Variants in TDO2 observed in about 807,000 individuals in gnomAD.
TDO2 encodes the protein tryptophan 2,3-dioxygenase.
TDO2 carries 63 observed loss-of-function variants against 61.2 expected under a neutral mutation model. That is an observed-to-expected ratio of 1.03 (90% CI 0.84 to 1.27). TDO2 has a LOEUF of 1.27. Ranked by LOEUF, TDO2 falls within the 50% of genes most tolerant of loss-of-function variation. TDO2 has a pLI of 0.00. For missense variants in TDO2, 494 were observed against 469.5 expected, an observed-to-expected ratio of 1.05 and a Z score of -0.48; for synonymous variants, 183 against 164.0, an observed-to-expected ratio of 1.12 and a Z score of -0.89.
chr4:155,917,625 C>A, intron 10 of TDO2, 151 bp downstream of exon 10: 2 of 580,154 alleles, frequency 3.4e-6, no homozygotes, highest in East Asian at 3.0e-5. Context: ...GCTTGGCCAT[C>A]ACTCTCTCCC....
intron 1 of TDO2, 31 bp from the exon 2 acceptor site, chr4:155,903,987 A>G (rs1560774075): frequency 2.5e-6 from 4 of 1,592,590 alleles, no homozygotes; most frequent in South Asian, 1.1e-5. Context: ...CTAAAGCACT[A>G]TTTTTCCCTC....
intron 6 of TDO2, among the ~76,000 whole-genome samples, chr4:155,911,016 C>T (rs192843944): frequency 3.9e-4 from 59 of 152,128 alleles, no homozygotes; most frequent in African/African-American, 1.3e-3. Flanking sequence ...AAAGTAATTG[C>T]ATGGATGGTT....
In TDO2 at chr4:155,910,060, T is replaced by C; in HGVS notation, c.467T>C (p.Leu156Ser). The change falls in exon 6 of 12, where the codon TTG (leucine) becomes TCG (serine). Residue 156 changes from leucine to serine, a missense_variant. Coordinates refer to ENST00000536354, the MANE Select transcript of TDO2 (RefSeq NM_005651.4). Reference protein sequence around the residue: ...YLSPASGFQSLQFRLLENKIG... With the variant: ...YLSPASGFQSSQFRLLENKIG... ...TCTCCAGCATCAGGCTTCCAGAGTT[T>C]GCAATTCCGACTATTAGAAAACAAG... 1 of 1,585,416 alleles carries C rather than the reference T, an allele frequency of 6.3e-7. No individual in the cohort carries two copies. The highest frequency in any genetic ancestry group is 8.5e-7 in the Non-Finnish European group (1 of 1,170,994).
At chr4:155,907,449 T>G in intron 3 of TDO2, 1 of 346,890 alleles carries the variant, frequency 2.9e-6, no homozygotes, top group Non-Finnish European at 5.2e-6. Flanking sequence ...CTCAAAGACC[T>G]AAAAATGCAT....
chr4:155,904,942 T>G (rs1742690513), intron 2 of TDO2, 125 bp from the exon 3 acceptor site: 1 of 610,942 alleles, frequency 1.6e-6, no homozygotes, highest in South Asian at 2.3e-5. Context: ...TAAAAGAAAC[T>G]AGATTGGTTT....
At chr4:155,905,714 G>A (rs1742706753) in intron 3 of TDO2, 1 of 152,002 alleles carries the variant, frequency 6.6e-6, no homozygotes, top group Admixed American at 6.6e-5. Context: ...TCTTAAAGAG[G>A]TCTGTGACCC....
At chr4:155,906,277 A>G (rs1054512785) in intron 3 of TDO2, 2 of 152,180 alleles carry the variant, frequency 1.3e-5, no homozygotes, top group Admixed American at 1.3e-4. Context: ...TATTTTATAA[A>G]AACACTTTTC....
rs760062469 is a variant in TDO2, at chr4:155,903,763, G to C, written c.5G>C (p.Ser2Thr). 4 of 1,614,162 alleles carry C rather than the reference G, an allele frequency of 2.5e-6. No individual in the cohort carries two copies. The East Asian group carries it at 6.7e-5, about 27-fold the overall frequency. ...CTCAGACAGTGCCTTTTCACCATGA[G>C]TGGGTGCCCATTTTTAGGAAACAAC... MSGCPFLGNNFG... is the reference protein window; with the variant it reads MTGCPFLGNNFG... The change falls in exon 1 of 12, where the codon AGT becomes ACT. Residue 2 changes from serine to threonine, a missense_variant. By Grantham distance (58) the Ser-to-Thr change is moderately conservative. Transcript: ENST00000536354.
intron 7 of TDO2, 74 bp downstream of exon 7, chr4:155,911,678 T>G: frequency 2.8e-6 from 3 of 1,086,262 alleles, no homozygotes; most frequent in Non-Finnish European, 3.8e-6. Flanking sequence ...ATTTTTTGCT[T>G]TTCTCTTAAC....
At chr4:155,911,768 T>C (rs1742836968) in intron 7 of TDO2, among the ~76,000 whole-genome samples, 164 bp downstream of exon 7, 1 of 152,208 alleles carries the variant, frequency 6.6e-6, no homozygotes, top group African/African-American at 2.4e-5. Context: ...ATTTTCTTTA[T>C]GTGTGATAAA....
chr4:155,919,542 C>A (rs1309971717), intron 11 of TDO2, among the ~76,000 whole-genome samples: 1 of 152,052 alleles, frequency 6.6e-6, no homozygotes, highest in East Asian at 1.9e-4. Context: ...GAGAACACAT[C>A]TTTATCTTTA....
intron 8 of TDO2, among the ~76,000 whole-genome samples, chr4:155,914,856 G>T (rs1447414810): frequency 6.6e-6 from 1 of 152,114 alleles, no homozygotes; most frequent in African/African-American, 2.4e-5. Context: ...CTTTAACGTG[G>T]TCTATAAGGC....
chr4:155,911,887 T>A (rs1451728855), intron 7 of TDO2, among the ~76,000 whole-genome samples: 1 of 152,170 alleles, frequency 6.6e-6, no homozygotes, highest in African/African-American at 2.4e-5. Flanking sequence ...TTAGAACCAA[T>A]TTTAGACAGA....
intron 1 of TDO2, 59 bp from the exon 2 acceptor site, chr4:155,903,959 A>T: frequency 6.6e-7 from 1 of 1,513,748 alleles, no homozygotes; most frequent in Non-Finnish European, 9.2e-7. Context: ...CACCCATATC[A>T]TTAGTTAACT....
intron 9 of TDO2, 72 bp from the exon 10 acceptor site, chr4:155,917,323 C>G: frequency 7.8e-7 from 1 of 1,286,298 alleles, no homozygotes; most frequent in Non-Finnish European, 1.1e-6. Context: ...AACTGATTGT[C>G]AAACTCATGC....
chr4:155,903,770 C>A lies in TDO2; in HGVS notation c.12C>A (p.Cys4Ter), dbSNP rs1466664099. 1 of 1,614,100 alleles carries A rather than the reference C, an allele frequency of 6.2e-7. No homozygotes were observed. MSG[C>*]PFLGNNFGYT... is the part of the protein sequence containing the mutation. The stretch of plus-strand genomic sequence containing the variant: ...AGTGCCTTTTCACCATGAGTGGGTG[C>A]CCATTTTTAGGAAACAACTTTGGGT... Residue 4 changes from cysteine to a stop codon, truncating the protein, a stop_gained, in exon 1 of 12, where the codon TGC becomes TGA. Coordinates refer to ENST00000536354, the MANE Select transcript of TDO2 (RefSeq NM_005651.4). LOFTEE classifies it high-confidence loss of function.
chr4:155,906,524 A>C (rs1287495326), intron 3 of TDO2: 1 of 152,122 alleles, frequency 6.6e-6, no homozygotes, highest in Admixed American at 6.6e-5. Flanking sequence ...AAGATTATTG[A>C]CTTCCTGTGT....
chr4:155,907,916 A>G (rs2271538), intron 4 of TDO2, 124 bp downstream of exon 4: 23,255 of 654,936 alleles, frequency 0.036, 555 homozygotes, highest in South Asian at 0.061. Context: ...GAACAAACAG[A>G]CATTTTATGA....
At chr4:155,908,726 A>G (rs191514075) in intron 4 of TDO2, among the ~76,000 whole-genome samples, 161 bp from the exon 5 acceptor site, 71 of 152,352 alleles carry the variant, frequency 4.7e-4, no homozygotes, top group African/African-American at 1.6e-3. Flanking sequence ...TTCCTTGCCC[A>G]CAATTCAGAA....
Sources: allele counts gnomAD v4.1 joint callset (sites outside exome capture counted in the v4.1 genomes callset), GRCh38; gene constraint gnomAD v4.1.1; transcripts MANE v1.5; gene names NCBI Gene and HGNC (gene_info 2026-07-23, HGNC 2026-07-21).